The following UNC5D variants were observed in gnomAD, a reference collection of about 807,000 sequenced individuals.
UNC5D encodes the protein unc-5 netrin receptor D.
A neutral mutation model predicts 105.4 loss-of-function variants in UNC5D; 39 were observed. The ratio of observed to expected loss-of-function variants is 0.37; its 90% CI spans 0.29 to 0.48. The LOEUF (loss-of-function observed/expected upper bound fraction) is 0.48, where lower values mean the gene tolerates loss of function less well. Ranked by LOEUF, UNC5D falls within the 20% of genes least tolerant of loss-of-function variation. The probability of loss-of-function intolerance (pLI) is 0.98; values close to 1 mark genes in which losing one functional copy is unlikely to be tolerated. For synonymous variants in UNC5D, 452 were observed against 450.4 expected, an observed-to-expected ratio of 1.00 and a Z score of -0.04; for missense variants, 991 against 1,202.4, an observed-to-expected ratio of 0.82 and a Z score of 2.60.
intron 4 of UNC5D, among the ~76,000 whole-genome samples, chr8:35,678,180 T>A (rs1252686220): frequency 6.6e-6 from 1 of 152,140 alleles, no homozygotes; most frequent in South Asian, 2.1e-4. Context: ...TGAGCATACA[T>A]CATTTACATT....
rs1028331028 is a variant in UNC5D, at chr8:35,795,290, C to T, written c.*4727C>T. The T allele has an allele frequency of 5.3e-5, 8 of 152,154 alleles. No individual in the cohort carries two copies. Among genetic ancestry groups the T allele is most frequent in the Admixed American group, 4.6e-4 (7 of 15,276 alleles). 9.4% of individuals were successfully genotyped at this position (152,154 alleles called of 1,614,324 possible). A position where few individuals can be genotyped will look rare whatever the true frequency, so the allele number is the denominator to read the frequency against. On this transcript the variant is annotated 3_prime_UTR_variant, in exon 17 of 17. Transcript: ENST00000404895. The stretch of plus-strand genomic sequence containing the variant: ...GGGAATGTGTGTCAAAATACTTTCA[C>T]AAAAGGCATGATTACAATGGAAATG...
chr8:35,683,594 G>A lies in UNC5D; in HGVS notation c.618G>A (p.Glu206=). 6.3e-7 allele frequency: 1 copy of A among 1,578,838 alleles called. No homozygotes were observed. Among genetic ancestry groups the A allele is most frequent in the Non-Finnish European group, 8.6e-7 (1 of 1,167,618 alleles). The change falls in exon 5 of 17, where the codon GAG becomes GAA. Residue 206 remains glutamate, a synonymous_variant. Transcript: ENST00000404895. ...NEEPIDSEQD[E]NIDTRADHNL... is the part of the protein sequence containing the mutation. The stretch of plus-strand genomic sequence containing the variant: ...AGCCCATTGACTCTGAACAAGACGA[G>A]AACATTGACACCAGGGCTGACCATA...
At chr8:35,363,131 T>C (rs1458971589) in intron 1 of UNC5D, among the ~76,000 whole-genome samples, 1 of 152,142 alleles carries the variant, frequency 6.6e-6, no homozygotes, top group Admixed American at 6.6e-5. Flanking sequence ...TTTTAGGCTG[T>C]ATTAGTCCAT....
intron 2 of UNC5D, among the ~76,000 whole-genome samples, chr8:35,566,210 A>G (rs1038137078): frequency 3.3e-5 from 5 of 151,618 alleles, no homozygotes; most frequent in Admixed American, 6.6e-5. Context: ...GTATACCTCA[A>G]ACTGCACATG....
chr8:35,579,478 C>A (rs1224312902), intron 3 of UNC5D, among the ~76,000 whole-genome samples: 1 of 152,016 alleles, frequency 6.6e-6, no homozygotes, highest in Non-Finnish European at 1.5e-5. Context: ...TAGGAGCCAC[C>A]AAGAGTGACA....
intron 4 of UNC5D, among the ~76,000 whole-genome samples, chr8:35,664,919 A>G (rs1456870248): frequency 6.6e-6 from 1 of 151,956 alleles, no homozygotes; most frequent in Non-Finnish European, 1.5e-5. Flanking sequence ...ATCATAACTC[A>G]AACTCCTGGG....
At chr8:35,738,398 T>G (rs546828643) in intron 11 of UNC5D, among the ~76,000 whole-genome samples, 1 of 152,340 alleles carries the variant, frequency 6.6e-6, no homozygotes, top group South Asian at 2.1e-4. Flanking sequence ...ATCATCTTTT[T>G]ATACCTGGTC....
chr8:35,425,997 C>T (rs1173020874), intron 1 of UNC5D, among the ~76,000 whole-genome samples: 1 of 152,058 alleles, frequency 6.6e-6, no homozygotes, highest in Non-Finnish European at 1.5e-5. Flanking sequence ...CTCCATGTAA[C>T]GCCATGAACG....
chr8:35,323,193 T>C (rs1038005471), intron 1 of UNC5D, among the ~76,000 whole-genome samples: 6 of 62,208 alleles, frequency 9.6e-5, no homozygotes, highest in Non-Finnish European at 2.4e-4. Context: ...TTTTTCTTTT[T>C]TTTTTTTTTT....
At chr8:35,331,495 C>T (rs2128894136) in intron 1 of UNC5D, among the ~76,000 whole-genome samples, 1 of 152,264 alleles carries the variant, frequency 6.6e-6, no homozygotes, top group South Asian at 2.1e-4. Context: ...GTCTAGTCAT[C>T]TTAGCCTCCT....
intron 4 of UNC5D, among the ~76,000 whole-genome samples, chr8:35,674,890 A>G (rs564940745): frequency 7.4e-4 from 113 of 152,242 alleles, no homozygotes; most frequent in Non-Finnish European, 1.0e-3. Flanking sequence ...CTAACTTCAA[A>G]AAGCTTTCAG....
At chr8:35,677,882 G>T (rs995320173) in intron 4 of UNC5D, among the ~76,000 whole-genome samples, 3 of 123,058 alleles carry the variant, frequency 2.4e-5, no homozygotes, top group Non-Finnish European at 5.8e-5. Flanking sequence ...TATAGGGTGT[G>T]TGAGTGTCTG....
chr8:35,615,571 G>T (rs1820982126), intron 4 of UNC5D, among the ~76,000 whole-genome samples: 2 of 152,160 alleles, frequency 1.3e-5, no homozygotes, highest in East Asian at 1.9e-4. Context: ...GCACGATCTT[G>T]GCTCTTTTCT....
chr8:35,525,037 T>A, intron 1 of UNC5D: 1 of 748,682 alleles, frequency 1.3e-6, no homozygotes, highest in Non-Finnish European at 2.1e-6. Flanking sequence ...TGTTCAAGTC[T>A]AAGATTTGGA....
rs1018390634 is a variant in UNC5D at position 35,335,245 on chromosome 8, A to C, written c.103+99358A>C. On this transcript the variant is annotated intron_variant, in intron 1 of 16. Transcript: ENST00000404895. ...ATTACAAATAAAACTATGATTCTTC[A>C]TGTGCAAACCTTTGTGTGGTAATAC... Among the ~76,000 whole-genome samples the C allele has an allele frequency of 2.0e-5, 3 of 152,192 alleles. No homozygotes were observed. The South Asian group carries it at 6.2e-4, about 31-fold the overall frequency.
At chr8:35,567,822 A>G (rs1177114547) in intron 2 of UNC5D, among the ~76,000 whole-genome samples, 2 of 152,208 alleles carry the variant, frequency 1.3e-5, no homozygotes, top group African/African-American at 4.8e-5. Context: ...GTAGTACCAA[A>G]GAAAGACAAA....
intron 3 of UNC5D, among the ~76,000 whole-genome samples, chr8:35,590,527 T>G (rs1458933946): frequency 6.6e-6 from 1 of 152,216 alleles, no homozygotes; most frequent in African/African-American, 2.4e-5. Flanking sequence ...TGCATTATTC[T>G]TTTTATTTAA....
chr8:35,610,870 G>A (rs1480533213), intron 4 of UNC5D, among the ~76,000 whole-genome samples: 1 of 151,936 alleles, frequency 6.6e-6, no homozygotes, highest in Non-Finnish European at 1.5e-5. Context: ...TTGCACAATG[G>A]GAAAAGTATG....
At chr8:35,292,791 A>G (rs1807174300) in intron 1 of UNC5D, among the ~76,000 whole-genome samples, 1 of 136,356 alleles carries the variant, frequency 7.3e-6, no homozygotes, top group South Asian at 2.2e-4. Context: ...ATCTCGGCTC[A>G]CTACAACCTC....
Sources: gnomAD v4.1 joint callset for allele counts (sites outside exome capture counted in the v4.1 genomes callset) on GRCh38, gnomAD v4.1.1 for gene constraint, MANE v1.5 for transcripts, NCBI Gene and HGNC (gene_info 2026-07-23, HGNC 2026-07-21) for gene names.